The following ZNF567 variants were observed in gnomAD, a reference collection of about 807,000 sequenced individuals.
The protein encoded by ZNF567 is zinc finger protein 567.
Under a neutral mutation model 53.9 loss-of-function variants are expected in ZNF567, and 36 were observed. That is an observed-to-expected ratio of 0.67 (90% CI 0.51 to 0.88). The LOEUF (loss-of-function observed/expected upper bound fraction) is 0.88. ZNF567 is among the 40% of genes least tolerant of loss of function. The pLI, the probability that ZNF567 is intolerant of heterozygous loss-of-function variation, is 0.00. For synonymous variants in ZNF567, 224 were observed against 260.4 expected, an observed-to-expected ratio of 0.86 and a Z score of 1.35; for missense variants, 619 against 764.7, an observed-to-expected ratio of 0.81 and a Z score of 2.25.
chr19:36,674,260 T>C, the ZNF567 span, among the ~76,000 whole-genome samples: 1 of 152,330 alleles, frequency 6.6e-6, no homozygotes, highest in East Asian at 1.9e-4. Context: ...TGTGCTTCAA[T>C]ACTTGGAAGA....
chr19:36,713,514 G>A (rs1314076401), intron 5 of ZNF567, among the ~76,000 whole-genome samples: 14 of 152,084 alleles, frequency 9.2e-5, no homozygotes, highest in Non-Finnish European at 7.4e-5. Context: ...GAAGGTTGAG[G>A]TAGGAGAATC....
intron 3 of ZNF567, among the ~76,000 whole-genome samples, chr19:36,704,617 G>T (rs8108985): frequency 0.31 from 46,927 of 151,756 alleles, 7,637 homozygotes; most frequent in East Asian, 0.58. Flanking sequence ...TAAATATGAT[G>T]AATTTGCTAA....
chr19:36,685,016 G>T (rs1269594071), upstream of ZNF567, among the ~76,000 whole-genome samples: 1 of 152,156 alleles, frequency 6.6e-6, no homozygotes, highest in Admixed American at 6.6e-5. Context: ...GGCTGGCCGA[G>T]GTGGCTCATG....
chr19:36,714,356 G>T (rs2039940787), intron 5 of ZNF567: 2 of 369,796 alleles, frequency 5.4e-6, no homozygotes, highest in East Asian at 7.7e-5. Context: ...TAGAGATGGG[G>T]TTTCACCATG....
the ZNF567 span, among the ~76,000 whole-genome samples, chr19:36,670,907 G>T: frequency 5.9e-5 from 9 of 152,130 alleles, no homozygotes; most frequent in Non-Finnish European, 1.2e-4. Context: ...TTCCAGACCA[G>T]CCTGGCCAAC....
the ZNF567 span, among the ~76,000 whole-genome samples, chr19:36,677,587 C>G: frequency 2.7e-5 from 4 of 150,204 alleles, no homozygotes; most frequent in African/African-American, 9.8e-5. Flanking sequence ...GCCAACATGT[C>G]GAAACCCCAT....
At chr19:36,690,306 C>T (rs892804484) in intron 2 of ZNF567, among the ~76,000 whole-genome samples, 2 of 152,092 alleles carry the variant, frequency 1.3e-5, no homozygotes, top group African/African-American at 4.8e-5. Context: ...TAAAATAGGA[C>T]TTTTGGTGGG....
chr19:36,705,510 C>T (rs2039445881), intron 3 of ZNF567, among the ~76,000 whole-genome samples: 1 of 152,098 alleles, frequency 6.6e-6, no homozygotes, highest in Non-Finnish European at 1.5e-5. Flanking sequence ...GTAACTGGTT[C>T]TAGTTTAATT....
At position 36,720,662 on chromosome 19, in the gene ZNF567, G is replaced by A. The variant is rs781610525; in HGVS notation, c.1938G>A (p.Met646Ile). The stretch of plus-strand genomic sequence containing the variant: ...CTCACAAGGGAGAAAACATTGAAAT[G>A]CAATAAATGATGTGGTTTCTTATAT... The part of the protein sequence containing the change: ...QRTHKGENIE[M>I]Q The change falls in exon 6 of 6, where the codon ATG becomes ATA. Residue 646 changes from methionine to isoleucine, a missense_variant. Transcript: ENST00000682579. The A allele has an allele frequency of 6.6e-7, 1 of 1,524,242 alleles. No homozygotes were observed. Among genetic ancestry groups the A allele is most frequent in the Non-Finnish European group, 8.8e-7 (1 of 1,138,746 alleles). 94.4% of individuals were successfully genotyped at this position (1,524,242 alleles called of 1,614,324 possible).
At chr19:36,690,330 T>TA (rs1453412229) in intron 2 of ZNF567, among the ~76,000 whole-genome samples, 2 of 152,182 alleles carry the variant, frequency 1.3e-5, no homozygotes, top group Admixed American at 6.5e-5. Flanking sequence ...TGGTGGCTCA[T>TA]ACCTGTAATC....
At chr19:36,707,825 T>C (rs1465826917) in intron 3 of ZNF567, among the ~76,000 whole-genome samples, 4 of 152,168 alleles carry the variant, frequency 2.6e-5, no homozygotes, top group Non-Finnish European at 4.4e-5. Flanking sequence ...GTGATCTGCC[T>C]GCCTAGACCT....
intron 2 of ZNF567, among the ~76,000 whole-genome samples, chr19:36,692,297 C>T (rs766731639): frequency 6.6e-6 from 1 of 152,130 alleles, no homozygotes; most frequent in African/African-American, 2.4e-5. Context: ...GGTAAAAACA[C>T]GCACATAATG....
upstream of ZNF567, among the ~76,000 whole-genome samples, chr19:36,683,844 T>TAATAA (rs894955485): frequency 6.6e-6 from 1 of 151,724 alleles, no homozygotes; most frequent in Non-Finnish European, 1.5e-5. Context: ...ATAATAATAA[T>TAATAA]AATAAAATAA....
At position 36,720,537 on chromosome 19, in the gene ZNF567, A is replaced by G; in HGVS notation, c.1813A>G (p.Ile605Val). 6.2e-7 allele frequency: 1 copy of G among 1,614,148 alleles called. No homozygotes were observed. Among genetic ancestry groups the G allele is most frequent in the Non-Finnish European group, 8.5e-7 (1 of 1,179,998 alleles). Residue 605 changes from isoleucine to valine, a missense_variant, in exon 6 of 6, where the codon ATT becomes GTT. Coordinates refer to ENST00000682579, the MANE Select transcript of ZNF567 (RefSeq NM_001322917.1). ...GTGCTTCCGCCAGAAGACAAATCTT[A>G]TTGTACATCAGAGAACTCACACAGG... Reference protein sequence around the residue: ...GKCFRQKTNLIVHQRTHTGEK... With the variant: ...GKCFRQKTNLVVHQRTHTGEK...
the ZNF567 span, among the ~76,000 whole-genome samples, chr19:36,674,621 C>T: frequency 8.5e-5 from 13 of 152,276 alleles, no homozygotes; most frequent in Middle Eastern, 3.4e-3. Context: ...AAGGTTTAAA[C>T]CTCCTAGCTC....
rs150188322 is a variant in ZNF567 at position 36,707,145 on chromosome 19, T to G, written c.10-5241T>G. Among the ~76,000 whole-genome samples, 53 of 152,250 alleles carry G rather than the reference T, an allele frequency of 3.5e-4. No individual in the cohort carries two copies. The Middle Eastern group carries it at 0.01, about 29-fold the overall frequency. ...GCCATCTTCCTATTTTTTCCAATTA[T>G]GTTTTCTTTTTTTTTAGATTGAGAA... On this transcript the variant is annotated intron_variant, in intron 3 of 5. Coordinates refer to ENST00000682579, the MANE Select transcript of ZNF567 (RefSeq NM_001322917.1).
the ZNF567 span, among the ~76,000 whole-genome samples, chr19:36,673,403 G>A: frequency 6.6e-6 from 1 of 152,162 alleles, no homozygotes; most frequent in African/African-American, 2.4e-5. Context: ...GTGTTTTTTT[G>A]GATGAGAGTA....
At chr19:36,706,231 C>T (rs2039478440) in intron 3 of ZNF567, among the ~76,000 whole-genome samples, 1 of 152,188 alleles carries the variant, frequency 6.6e-6, no homozygotes, top group Non-Finnish European at 1.5e-5. Flanking sequence ...ATCTTAATGA[C>T]TGGCCTAATC....
the ZNF567 span, among the ~76,000 whole-genome samples, chr19:36,674,863 C>T: frequency 4.6e-5 from 7 of 152,012 alleles, no homozygotes; most frequent in Non-Finnish European, 2.9e-5. Context: ...AAGCGATTCT[C>T]GTGCCCCAGC....
Sources: gnomAD v4.1 joint callset for allele counts (sites outside exome capture counted in the v4.1 genomes callset) on GRCh38, gnomAD v4.1.1 for gene constraint, MANE v1.5 for transcripts, NCBI Gene and HGNC (gene_info 2026-07-23, HGNC 2026-07-21) for gene names.